ZNF420: variants seen among roughly 807,000 people sequenced by gnomAD.
ZNF420 encodes the protein zinc finger protein 420, also known as ATM and p53-associated KZNF protein.
ZNF420 carries 31 observed loss-of-function variants against 44.7 expected under a neutral mutation model. The ratio of observed to expected loss-of-function variants is 0.69; its 90% confidence interval spans 0.52 to 0.94. ZNF420 has a LOEUF of 0.94. ZNF420 is among the 40% of genes least tolerant of loss of function. The probability of loss-of-function intolerance (pLI) is 0.00; values close to 1 mark genes in which losing one functional copy is unlikely to be tolerated. For missense variants in ZNF420, 681 were observed against 827.9 expected, an observed-to-expected ratio of 0.82 and a Z score of 2.18; for synonymous variants, 245 against 267.4, an observed-to-expected ratio of 0.92 and a Z score of 0.82.
intron 1 of ZNF420, among the ~76,000 whole-genome samples, chr19:37,020,334 C>G (rs906866240): frequency 6.6e-6 from 1 of 151,888 alleles, no homozygotes; most frequent in African/African-American, 2.4e-5. Context: ...CACTTCTGAC[C>G]AGAAACATTC....
intron 1 of ZNF420, among the ~76,000 whole-genome samples, chr19:37,040,398 TG>T (rs776642857): frequency 1.3e-5 from 2 of 152,236 alleles, no homozygotes; most frequent in African/African-American, 4.8e-5. Context: ...GTGGTTGACT[TG>T]GTCTTCTATC....
At chr19:37,115,501 G>A (rs1169589457) in intron 4 of ZNF420, among the ~76,000 whole-genome samples, 1 of 151,844 alleles carries the variant, frequency 6.6e-6, no homozygotes, top group Admixed American at 6.6e-5. Context: ...TTTAAGGAAA[G>A]GTGCTGTGCC....
At chr19:37,082,926 G>T (rs1359102140) in intron 2 of ZNF420, among the ~76,000 whole-genome samples, 3 of 152,166 alleles carry the variant, frequency 2.0e-5, no homozygotes, top group Non-Finnish European at 2.9e-5. Flanking sequence ...AGAATAAGAT[G>T]AATTTGAAGA....
chr19:37,114,439 A>G (rs10419174), intron 4 of ZNF420, among the ~76,000 whole-genome samples: 24,595 of 151,902 alleles, frequency 0.16, 2,111 homozygotes, highest in African/African-American at 0.23. Flanking sequence ...ATCTTTCCCT[A>G]TTTGATATTC....
intron 4 of ZNF420, among the ~76,000 whole-genome samples, chr19:37,101,590 C>A (rs1372615309): frequency 6.6e-6 from 1 of 152,232 alleles, no homozygotes; most frequent in Non-Finnish European, 1.5e-5. Flanking sequence ...AGCAGACTAT[C>A]TATCTGTTGT....
At chr19:37,067,217 AT>A (rs1186577394) in intron 1 of ZNF420, among the ~76,000 whole-genome samples, 1 of 152,170 alleles carries the variant, frequency 6.6e-6, no homozygotes, top group Non-Finnish European at 1.5e-5. Flanking sequence ...CTTTGACAGG[AT>A]TTTGGTTTGC....
chr19:37,096,873 T>C (rs1969482673), intron 4 of ZNF420, among the ~76,000 whole-genome samples: 1 of 152,058 alleles, frequency 6.6e-6, no homozygotes. Context: ...TTTTATGTTC[T>C]CTGTAAAGTT....
At chr19:37,059,154 G>C (rs1967817848) in intron 1 of ZNF420, among the ~76,000 whole-genome samples, 2 of 152,190 alleles carry the variant, frequency 1.3e-5, no homozygotes, top group Admixed American at 6.5e-5. Context: ...GGTGGAAGTC[G>C]ACTCAAGGAG....
intron 4 of ZNF420, among the ~76,000 whole-genome samples, chr19:37,117,722 G>T (rs1712661032): frequency 6.6e-6 from 1 of 152,014 alleles, no homozygotes; most frequent in African/African-American, 2.4e-5. Flanking sequence ...TAAAAACTTT[G>T]AAATAAAAAT....
At chr19:37,084,126 C>T (rs1968626487) in intron 2 of ZNF420, among the ~76,000 whole-genome samples, 1 of 152,032 alleles carries the variant, frequency 6.6e-6, no homozygotes, top group African/African-American at 2.4e-5. Context: ...TTATTAATAA[C>T]AGTATAACTA....
exon 1 of ZNF420, chr19:37,008,018 C>A: frequency 4.8e-6 from 1 of 209,152 alleles, no homozygotes; most frequent in South Asian, 6.9e-5. Context: ...ATGAAGAAAC[C>A]ACAGGCGGAG....
intron 4 of ZNF420, among the ~76,000 whole-genome samples, chr19:37,118,025 T>TGGAA (rs1440782272): frequency 6.6e-6 from 1 of 152,132 alleles, no homozygotes; most frequent in African/African-American, 2.4e-5. Context: ...ACAGGGAGAA[T>TGGAA]GGAACCAAGT....
intron 1 of ZNF420, among the ~76,000 whole-genome samples, chr19:37,012,008 T>G (rs980225280): frequency 1.3e-5 from 2 of 152,192 alleles, no homozygotes; most frequent in African/African-American, 4.8e-5. Context: ...GATCTTTCTG[T>G]GCCCCAGCGA....
chr19:37,058,582 C>T (rs947115763), intron 1 of ZNF420, among the ~76,000 whole-genome samples: 1 of 152,084 alleles, frequency 6.6e-6, no homozygotes. Flanking sequence ...GAAACCTCTC[C>T]GCTCCTAGAG....
At chr19:37,029,168 C>G (rs1335002006) in intron 1 of ZNF420, among the ~76,000 whole-genome samples, 1 of 152,136 alleles carries the variant, frequency 6.6e-6, no homozygotes, top group Non-Finnish European at 1.5e-5. Context: ...AGGTATCCAA[C>G]TGAAAAATAT....
chr19:37,063,372 A>G (rs1967910558), intron 1 of ZNF420, among the ~76,000 whole-genome samples: 1 of 152,158 alleles, frequency 6.6e-6, no homozygotes, highest in African/African-American at 2.4e-5. Flanking sequence ...TTTCCCAGGC[A>G]TTGTGAAGAC....
intron 2 of ZNF420, among the ~76,000 whole-genome samples, chr19:37,086,709 T>C (rs1446883063): frequency 6.6e-6 from 1 of 152,204 alleles, no homozygotes; most frequent in Non-Finnish European, 1.5e-5. Flanking sequence ...GATGAGTTGA[T>C]CCTCCTTATT....
chr19:37,014,134 A>G (rs1229269425), intron 1 of ZNF420, among the ~76,000 whole-genome samples: 1 of 152,044 alleles, frequency 6.6e-6, no homozygotes, highest in African/African-American at 2.4e-5. Flanking sequence ...CCACCCCTCC[A>G]TTGAGTAGGT....
chr19:37,079,238 T>G (rs1369601727), intron 1 of ZNF420, among the ~76,000 whole-genome samples: 2 of 152,246 alleles, frequency 1.3e-5, no homozygotes, highest in East Asian at 3.8e-4. Flanking sequence ...TGGGTGATTG[T>G]GCCTCTAGCT....
Sources: allele counts gnomAD v4.1 joint callset (sites outside exome capture counted in the v4.1 genomes callset), GRCh38; gene constraint gnomAD v4.1.1; transcripts MANE v1.5; gene names NCBI Gene and HGNC (gene_info 2026-07-23, HGNC 2026-07-21).